The following CNBD1 variants were observed in gnomAD, a reference collection of about 807,000 sequenced individuals.
The protein encoded by CNBD1 is cyclic nucleotide binding domain containing 1.
In CNBD1, 71 loss-of-function variants were observed where a neutral mutation model predicts 54.4. That is an observed-to-expected ratio of 1.30 (90% CI 1.08 to 1.59). The LOEUF is 1.59. Ranked by LOEUF, CNBD1 falls within the 40% of genes most tolerant of loss-of-function variation. The probability of loss-of-function intolerance (pLI) is 0.00; values close to 1 mark genes in which losing one functional copy is unlikely to be tolerated. For missense variants in CNBD1, 659 were observed against 518.0 expected, an observed-to-expected ratio of 1.27 and a Z score of -2.64; for synonymous variants, 182 against 170.7, an observed-to-expected ratio of 1.07 and a Z score of -0.51.
chr8:87,387,962 C>G (rs544708351), intron 2 of CNBD1, among the ~76,000 whole-genome samples: 1 of 152,192 alleles, frequency 6.6e-6, no homozygotes, highest in African/African-American at 2.4e-5. Flanking sequence ...GACTCAAAAC[C>G]GCTCAACTAC....
At chr8:87,292,494 T>C (rs980778246) in intron 8 of CNBD1, among the ~76,000 whole-genome samples, 9 of 152,314 alleles carry the variant, frequency 5.9e-5, no homozygotes, top group African/African-American at 2.2e-4. Context: ...AGAAATGGAA[T>C]GATCACTGAT....
At chr8:87,103,920 G>T (rs975041295) in intron 4 of CNBD1, among the ~76,000 whole-genome samples, 12 of 152,232 alleles carry the variant, frequency 7.9e-5, no homozygotes, top group Non-Finnish European at 8.8e-5. Context: ...AGAGGAAATT[G>T]CTGTGATACA....
intron 4 of CNBD1, among the ~76,000 whole-genome samples, chr8:87,157,753 T>C (rs1812776024): frequency 6.6e-6 from 1 of 152,180 alleles, no homozygotes; most frequent in African/African-American, 2.4e-5. Flanking sequence ...GTCTGAATTA[T>C]TTATCTGTTT....
chr8:86,989,233 G>T (rs926051039), intron 4 of CNBD1, among the ~76,000 whole-genome samples: 1 of 152,172 alleles, frequency 6.6e-6, no homozygotes, highest in East Asian at 1.9e-4. Context: ...GATCAAGGCT[G>T]CAGTGAGCTG....
intron 5 of CNBD1, among the ~76,000 whole-genome samples, chr8:87,229,379 G>T (rs1480808768): frequency 6.6e-6 from 1 of 151,962 alleles, no homozygotes; most frequent in African/African-American, 2.4e-5. Flanking sequence ...CTTCTCACAG[G>T]TTAAAAATTT....
At chr8:87,392,889 G>A (rs528073567) in intron 2 of CNBD1, among the ~76,000 whole-genome samples, 1 of 151,962 alleles carries the variant, frequency 6.6e-6, no homozygotes, top group African/African-American at 2.4e-5. Context: ...AATATTGAAG[G>A]CGATGGGAAG....
At chr8:87,044,226 T>A (rs1445226149) in intron 4 of CNBD1, among the ~76,000 whole-genome samples, 1 of 152,148 alleles carries the variant, frequency 6.6e-6, no homozygotes, top group Non-Finnish European at 1.5e-5. Context: ...TTTTTTTGTT[T>A]TTTTGCAAAA....
rs1294232395 is a variant in CNBD1, at chr8:86,944,368, A to C, written c.431+4614A>C. Among the ~76,000 whole-genome samples, 4 of 152,190 alleles carry C rather than the reference A, an allele frequency of 2.6e-5. No homozygotes were observed. In the East Asian group the frequency reaches 7.7e-4, roughly 29 times the overall value. ...CATGGAGCTTACATTCTAATGTAAG[A>C]GATACTAAACACATATGTATTCTGT... On this transcript the variant is annotated intron_variant, in intron 4 of 10. Transcript: ENST00000518476.
chr8:86,891,158 G>C (rs112147357), intron 2 of CNBD1, among the ~76,000 whole-genome samples: 1 of 151,854 alleles, frequency 6.6e-6, no homozygotes, highest in Non-Finnish European at 1.5e-5. Context: ...TCAAAAAATC[G>C]TTGCTTAGAC....
intron 4 of CNBD1, among the ~76,000 whole-genome samples, chr8:87,185,719 G>A (rs1813460802): frequency 6.6e-6 from 1 of 152,100 alleles, no homozygotes; most frequent in Non-Finnish European, 1.5e-5. Context: ...GTCCATGATA[G>A]TTTCTTCACA....
At chr8:87,216,969 C>A (rs1283015220) in intron 5 of CNBD1, among the ~76,000 whole-genome samples, 1 of 152,112 alleles carries the variant, frequency 6.6e-6, no homozygotes, top group Non-Finnish European at 1.5e-5. Context: ...TGAGAACAGT[C>A]TTGCATGGTG....
At chr8:87,355,478 A>T (rs766602734) in intron 10 of CNBD1, among the ~76,000 whole-genome samples, 52 of 152,184 alleles carry the variant, frequency 3.4e-4, no homozygotes, top group Non-Finnish European at 2.6e-4. Flanking sequence ...TCTAGTAATA[A>T]TAACAGAATA....
chr8:87,233,415 A>G (rs10101268), intron 5 of CNBD1, among the ~76,000 whole-genome samples: 59,549 of 152,102 alleles, frequency 0.39, 13,341 homozygotes, highest in Non-Finnish European at 0.5. Context: ...TATAAAACTT[A>G]TGTTTGCATT....
At chr8:86,964,574 T>C (rs1249190882) in intron 4 of CNBD1, among the ~76,000 whole-genome samples, 2 of 152,100 alleles carry the variant, frequency 1.3e-5, no homozygotes, top group African/African-American at 4.8e-5. Context: ...CCTGCTTGGA[T>C]CCCCCTTAAT....
At chr8:87,229,007 A>G (rs1260847427) in intron 5 of CNBD1, among the ~76,000 whole-genome samples, 1 of 152,044 alleles carries the variant, frequency 6.6e-6, no homozygotes, top group East Asian at 1.9e-4. Context: ...GATTTTCCCG[A>G]TTTTCCAGGT....
At chr8:87,417,440 A>C (rs1020869110) in intron 2 of CNBD1, among the ~76,000 whole-genome samples, 16 of 152,012 alleles carry the variant, frequency 1.1e-4, no homozygotes, top group Non-Finnish European at 1.9e-4. Flanking sequence ...AAGTACTGAC[A>C]GAACTGGAAA....
chr8:87,050,489 G>T (rs969302658), intron 4 of CNBD1, among the ~76,000 whole-genome samples: 2 of 152,212 alleles, frequency 1.3e-5, no homozygotes, highest in Non-Finnish European at 2.9e-5. Flanking sequence ...AACTAAGAGA[G>T]ATCTCTCAAA....
intron 6 of CNBD1, among the ~76,000 whole-genome samples, chr8:87,240,580 G>C (rs1563520255): frequency 6.6e-6 from 1 of 152,086 alleles, no homozygotes; most frequent in Non-Finnish European, 1.5e-5. Context: ...CTCAGCTTAT[G>C]CCTTATTGTG....
In CNBD1 at chr8:87,228,616, G is replaced by A. The variant is rs530804805; in HGVS notation, c.578-8303G>A. 2.3e-3 allele frequency among the ~76,000 whole-genome samples: 349 copies of A among 151,364 alleles called. 5 individuals are homozygous for A. The highest frequency in any genetic ancestry group is 7.2e-3 in the East Asian group (37 of 5,174). On this transcript the variant is annotated intron_variant, in intron 5 of 10. Transcript: ENST00000518476. Reference sequence around the variant, plus strand: ...CGCCCGTTCTCAGATCTCCAGCTGCGTGCTGGGAGAACCACTGCTCTCTTC... The same window carrying A: ...CGCCCGTTCTCAGATCTCCAGCTGCATGCTGGGAGAACCACTGCTCTCTTC...
Sources: allele counts gnomAD v4.1 joint callset (sites outside exome capture counted in the v4.1 genomes callset), GRCh38; gene constraint gnomAD v4.1.1; transcripts MANE v1.5; gene names NCBI Gene and HGNC (gene_info 2026-07-23, HGNC 2026-07-21).